SPOCK1: variants seen among roughly 807,000 people sequenced by gnomAD.
SPOCK1 encodes testican-1.
A neutral mutation model predicts 55.3 loss-of-function variants in SPOCK1; 23 were observed. The observed-to-expected ratio is 0.42, with a 90% CI of 0.30 to 0.59. The LOEUF is 0.59. Among genes scored for constraint, SPOCK1 ranks in the 20% least tolerant of loss-of-function variants. SPOCK1 has a pLI of 0.22. For synonymous variants in SPOCK1, 226 were observed against 221.0 expected, an observed-to-expected ratio of 1.02 and a Z score of -0.20; for missense variants, 499 against 552.5, an observed-to-expected ratio of 0.90 and a Z score of 0.97.
At chr5:137,356,517 C>T (rs1040609452) in intron 2 of SPOCK1, among the ~76,000 whole-genome samples, 2 of 151,286 alleles carry the variant, frequency 1.3e-5, no homozygotes, top group Admixed American at 6.6e-5. Flanking sequence ...AGGCAGGGTG[C>T]GGTGGTTCAG....
chr5:137,424,122 G>T (rs1388680121), intron 2 of SPOCK1, among the ~76,000 whole-genome samples: 1 of 152,094 alleles, frequency 6.6e-6, no homozygotes, highest in Admixed American at 6.5e-5. Flanking sequence ...GCGCACACCT[G>T]TAATCTCAGT....
At chr5:137,442,801 C>G (rs1753042240) in intron 2 of SPOCK1, among the ~76,000 whole-genome samples, 1 of 152,204 alleles carries the variant, frequency 6.6e-6, no homozygotes, top group Non-Finnish European at 1.5e-5. Flanking sequence ...GAGTTTGTTG[C>G]TAGGTTCCTT....
At chr5:137,257,452 C>T (rs140845198) in intron 3 of SPOCK1, among the ~76,000 whole-genome samples, 777 of 152,268 alleles carry the variant, frequency 5.1e-3, no homozygotes, top group African/African-American at 0.018. Context: ...TTTCCCCCAA[C>T]ATGAGGACAC....
chr5:137,224,626 ACT>A (rs1755914417), intron 3 of SPOCK1, among the ~76,000 whole-genome samples: 1 of 152,186 alleles, frequency 6.6e-6, no homozygotes, highest in South Asian at 2.1e-4. Flanking sequence ...TCAGAAGCTG[ACT>A]CTATTGAGCT....
intron 3 of SPOCK1, among the ~76,000 whole-genome samples, chr5:137,216,380 T>C (rs1373198497): frequency 4.6e-5 from 7 of 152,206 alleles, no homozygotes; most frequent in African/African-American, 1.7e-4. Flanking sequence ...TGATAGCAAA[T>C]ACAAATTGTA....
At chr5:137,377,806 A>C (rs1751354402) in intron 2 of SPOCK1, among the ~76,000 whole-genome samples, 1 of 152,058 alleles carries the variant, frequency 6.6e-6, no homozygotes, top group Non-Finnish European at 1.5e-5. Flanking sequence ...TTCCAAGATC[A>C]ACAAATGAAT....
intron 3 of SPOCK1, among the ~76,000 whole-genome samples, chr5:137,190,438 A>C (rs1755158192): frequency 6.6e-6 from 1 of 152,212 alleles, no homozygotes; most frequent in African/African-American, 2.4e-5. Flanking sequence ...GGTTCAGATG[A>C]TGGTTAGCAT....
intron 2 of SPOCK1, among the ~76,000 whole-genome samples, chr5:137,310,359 C>T (rs375696212): frequency 1.7e-4 from 26 of 152,304 alleles, no homozygotes; most frequent in South Asian, 1.2e-3. Context: ...AACACCACAG[C>T]ATAATGGCAT....
chr5:137,078,152 A>G (rs963276459), intron 5 of SPOCK1, among the ~76,000 whole-genome samples: 17 of 152,314 alleles, frequency 1.1e-4, no homozygotes, highest in Admixed American at 9.8e-4. Context: ...TGGGAGATGC[A>G]AGAGGCAATG....
intron 3 of SPOCK1, among the ~76,000 whole-genome samples, chr5:137,201,495 G>A (rs775694654): frequency 2.5e-4 from 38 of 152,080 alleles, no homozygotes; most frequent in Non-Finnish European, 4.4e-4. Context: ...CAAAGCCACC[G>A]TAACATTTCC....
At chr5:137,214,720 C>T (rs1419109079) in intron 3 of SPOCK1, among the ~76,000 whole-genome samples, 1 of 152,050 alleles carries the variant, frequency 6.6e-6, no homozygotes, top group Non-Finnish European at 1.5e-5. Context: ...GGGGAATGAG[C>T]AAGAGATAGT....
At chr5:137,066,987 C>CACACACACACAG (rs1343691789) in intron 6 of SPOCK1, among the ~76,000 whole-genome samples, 11 of 139,586 alleles carry the variant, frequency 7.9e-5, no homozygotes, top group South Asian at 4.7e-4. Context: ...CACACACACA[C>CACACACACACAG]AGAGAGAGAG....
At chr5:137,087,576 G>A (rs969065712) in intron 5 of SPOCK1, among the ~76,000 whole-genome samples, 3 of 152,214 alleles carry the variant, frequency 2.0e-5, no homozygotes, top group Non-Finnish European at 2.9e-5. Flanking sequence ...GCAACCTGGG[G>A]CCTCTGCATG....
At chr5:137,167,451 A>C (rs1176138239) in intron 3 of SPOCK1, among the ~76,000 whole-genome samples, 9 of 150,668 alleles carry the variant, frequency 6.0e-5, no homozygotes, top group Non-Finnish European at 1.2e-4. Context: ...CTTAATCTGC[A>C]CTATAGACCA....
chr5:137,195,189 C>T (rs1030911326), intron 3 of SPOCK1, among the ~76,000 whole-genome samples: 3 of 152,164 alleles, frequency 2.0e-5, no homozygotes, highest in African/African-American at 7.2e-5. Context: ...TTTTAATGCC[C>T]CTTCATTGAA....
Position 137,356,798 on chromosome 5 carries a change from A to AATATAT in SPOCK1, c.187-89749_187-89744dup, listed in dbSNP as rs1191051173. ...AGAGCAAGACTGTCTCAAAAAAAAT[A>AATATAT]ATATATATATATATATATATATATA... On this transcript the variant is annotated intron_variant, in intron 2 of 10. Transcript: ENST00000394945. 9.8e-3 allele frequency among the ~76,000 whole-genome samples: 134 copies of AATATAT among 13,640 alleles called. 3 individuals are homozygous for AATATAT. Among genetic ancestry groups the AATATAT allele is most frequent in the African/African-American group, 0.012 (35 of 2,812 alleles). 8.9% of individuals were successfully genotyped at this position (13,640 alleles called of 152,430 possible).
chr5:137,399,918 A>C (rs1380424203), intron 2 of SPOCK1, among the ~76,000 whole-genome samples: 1 of 152,216 alleles, frequency 6.6e-6, no homozygotes, highest in Non-Finnish European at 1.5e-5. Flanking sequence ...GGGAATAAAG[A>C]AACCACTAGG....
At chr5:137,450,542 C>G (rs569018202) in intron 2 of SPOCK1, among the ~76,000 whole-genome samples, 1 of 151,978 alleles carries the variant, frequency 6.6e-6, no homozygotes, top group African/African-American at 2.4e-5. Context: ...CACATAGGGC[C>G]CATGCTTAGA....
chr5:137,406,006 G>A (rs1036884610), intron 2 of SPOCK1, among the ~76,000 whole-genome samples: 1 of 152,224 alleles, frequency 6.6e-6, no homozygotes, highest in African/African-American at 2.4e-5. Context: ...GTCACACCTT[G>A]ATTCAGAGTC....
Sources: allele counts gnomAD v4.1 joint callset (sites outside exome capture counted in the v4.1 genomes callset), GRCh38; gene constraint gnomAD v4.1.1; transcripts MANE v1.5; gene names NCBI Gene and HGNC (gene_info 2026-07-23, HGNC 2026-07-21).